CBL: variants seen among roughly 807,000 people sequenced by gnomAD.
CBL encodes E3 ubiquitin-protein ligase CBL.
Under a neutral mutation model 96.9 loss-of-function variants are expected in CBL, and 45 were observed. The ratio of observed to expected loss-of-function variants is 0.46; its 90% confidence interval spans 0.37 to 0.60. The LOEUF is 0.60. CBL is among the 20% of genes least tolerant of loss of function. CBL has a pLI of 0.00. For missense variants in CBL, 1,024 were observed against 1,143.5 expected, an observed-to-expected ratio of 0.90 and a Z score of 1.51; for synonymous variants, 420 against 426.8, an observed-to-expected ratio of 0.98 and a Z score of 0.20.
At chr11:119,245,661 G>A (rs957505883) in intron 2 of CBL, among the ~76,000 whole-genome samples, 1 of 152,046 alleles carries the variant, frequency 6.6e-6, no homozygotes, top group African/African-American at 2.4e-5. Context: ...CCTGGGAGGT[G>A]GAGGTTGCAG....
intron 2 of CBL, among the ~76,000 whole-genome samples, chr11:119,265,775 C>A (rs1949797690): frequency 6.6e-6 from 1 of 152,018 alleles, no homozygotes; most frequent in Non-Finnish European, 1.5e-5. Flanking sequence ...GTAATCCCAA[C>A]ACTTTGGGAG....
At chr11:119,255,219 G>A (rs1265651578) in intron 2 of CBL, among the ~76,000 whole-genome samples, 6 of 151,934 alleles carry the variant, frequency 3.9e-5, no homozygotes, top group Non-Finnish European at 8.8e-5. Flanking sequence ...GAGACTGTGT[G>A]GAGCTTCGGG....
chr11:119,212,236 A>G (rs1949324129), intron 1 of CBL, among the ~76,000 whole-genome samples: 1 of 152,196 alleles, frequency 6.6e-6, no homozygotes, highest in African/African-American at 2.4e-5. Context: ...TTGAAACATT[A>G]AGGTATTGGT....
chr11:119,217,814 T>C (rs1949374908), intron 1 of CBL, among the ~76,000 whole-genome samples: 1 of 152,124 alleles, frequency 6.6e-6, no homozygotes. Flanking sequence ...CTCACACCTG[T>C]AATCCCAGCA....
rs377521662 is a variant in CBL at position 119,223,083 on chromosome 11, G to T, written c.196-9365G>T. 2.0e-5 allele frequency among the ~76,000 whole-genome samples: 3 copies of T among 151,078 alleles called. No individual in the cohort carries two copies. The South Asian group carries it at 6.3e-4, about 32-fold the overall frequency. ...TAGTCCCGGCTACTTGGGAGGTCTAGTTGGGAATGTCTCTTGAGTCCAGGA... is the reference window on the plus strand; with the variant it reads ...TAGTCCCGGCTACTTGGGAGGTCTATTTGGGAATGTCTCTTGAGTCCAGGA... On this transcript the variant is annotated intron_variant, in intron 1 of 15. Coordinates refer to ENST00000264033, the MANE Select transcript of CBL (RefSeq NM_005188.4).
chr11:119,284,369 G>A (rs1294448907), intron 9 of CBL, among the ~76,000 whole-genome samples: 1 of 152,008 alleles, frequency 6.6e-6, no homozygotes, highest in Non-Finnish European at 1.5e-5. Flanking sequence ...ACAGTGGCTA[G>A]ATTATGGTTC....
At position 119,302,536 on chromosome 11, in the gene CBL, T is replaced by TA. The variant is rs886047785; in HGVS notation, c.*2762dup. On this transcript the variant is annotated 3_prime_UTR_variant, in exon 16 of 16. Coordinates refer to ENST00000264033, the MANE Select transcript of CBL (RefSeq NM_005188.4). ...TGTCCCTTCCTAGTGGCTAATAAAG[T>TA]AAAAAAACCCACACTACTTTGTTCT... is the stretch of plus-strand genomic sequence containing the variant. 9 of 232,208 alleles carry TA rather than the reference T, an allele frequency of 3.9e-5. No homozygotes were observed. The highest frequency in any genetic ancestry group is 6.0e-5 in the Non-Finnish European group (7 of 117,524). The allele number at this position is 232,208 out of a possible 1,614,324, so 14.4% of individuals were successfully genotyped here.
intron 1 of CBL, among the ~76,000 whole-genome samples, chr11:119,215,719 C>T (rs892276435): frequency 1.4e-4 from 21 of 151,412 alleles, no homozygotes; most frequent in African/African-American, 3.6e-4. Flanking sequence ...CCCAGCTACT[C>T]GGGAGGCTGA....
At chr11:119,248,816 A>G (rs576683457) in intron 2 of CBL, among the ~76,000 whole-genome samples, 1 of 152,346 alleles carries the variant, frequency 6.6e-6, no homozygotes, top group African/African-American at 2.4e-5. Flanking sequence ...AAAATGCTCA[A>G]AAGTTTTGAA....
At chr11:119,269,226 C>T (rs1949825166) in intron 2 of CBL, among the ~76,000 whole-genome samples, 1 of 146,070 alleles carries the variant, frequency 6.8e-6, no homozygotes, top group Non-Finnish European at 1.5e-5. Context: ...AGTTAATGGA[C>T]TTTAAAGATT....
chr11:119,237,323 C>G (rs1013683993), intron 2 of CBL, among the ~76,000 whole-genome samples: 5 of 152,150 alleles, frequency 3.3e-5, no homozygotes, highest in Non-Finnish European at 7.3e-5. Flanking sequence ...GATGCTAGAC[C>G]AGATACATGA....
intron 2 of CBL, among the ~76,000 whole-genome samples, chr11:119,240,785 A>C (rs963393969): frequency 5.9e-5 from 9 of 152,104 alleles, no homozygotes; most frequent in African/African-American, 1.9e-4. Context: ...AAGAGTGTAC[A>C]TAATTGGCTG....
chr11:119,243,806 G>T (rs532636627), intron 2 of CBL, among the ~76,000 whole-genome samples: 117 of 151,760 alleles, frequency 7.7e-4, no homozygotes, highest in Admixed American at 1.2e-3. Flanking sequence ...ACAGCTCATT[G>T]CAGCCTCAGC....
rs141849861 is a variant in CBL, at chr11:119,301,258, A to G, written c.*1477A>G. 1 of 233,264 alleles carries G rather than the reference A, an allele frequency of 4.3e-6. No homozygotes were observed. Among genetic ancestry groups the G allele is most frequent in the East Asian group, 6.0e-5 (1 of 16,592 alleles). The allele number at this position is 233,264 out of a possible 1,614,324, so 14.4% of individuals were successfully genotyped here. On this transcript the variant is annotated 3_prime_UTR_variant, in exon 16 of 16. Transcript: ENST00000264033. ...ATAAATTACTGTAGTCAAAGACAGT[A>G]TGGGCTGGCAGTTTGTGTAATTGCA...
At chr11:119,221,258 A>C (rs1050854206) in intron 1 of CBL, among the ~76,000 whole-genome samples, 1 of 151,276 alleles carries the variant, frequency 6.6e-6, no homozygotes, top group Non-Finnish European at 1.5e-5. Flanking sequence ...AAAAAAAAAA[A>C]GTATAGGTTT....
intron 2 of CBL, among the ~76,000 whole-genome samples, chr11:119,264,775 G>A (rs1161357657): frequency 1.3e-5 from 2 of 151,924 alleles, no homozygotes; most frequent in Non-Finnish European, 2.9e-5. Flanking sequence ...AAGGCACCAT[G>A]CCCAACCTAT....
At chr11:119,213,068 G>C (rs940805689) in intron 1 of CBL, among the ~76,000 whole-genome samples, 2 of 151,728 alleles carry the variant, frequency 1.3e-5, no homozygotes, top group African/African-American at 4.8e-5. Flanking sequence ...TCCCACCTCA[G>C]CCTTCCACAG....
In CBL at chr11:119,234,159, G is replaced by T. The variant is rs113879129; in HGVS notation, c.443+1464G>T. 2.8e-3 allele frequency among the ~76,000 whole-genome samples: 425 copies of T among 152,078 alleles called. 4 individuals are homozygous for T. The highest frequency in any genetic ancestry group is 9.9e-3 in the African/African-American group (409 of 41,498). Reference sequence around the variant, plus strand: ...GTAGCTGGGATTACAAGCATGCACCGCTGTGCCCGGCTAATTTTTGTATTT... The same window carrying T: ...GTAGCTGGGATTACAAGCATGCACCTCTGTGCCCGGCTAATTTTTGTATTT... On this transcript the variant is annotated intron_variant, in intron 2 of 15. Coordinates refer to ENST00000264033, the MANE Select transcript of CBL (RefSeq NM_005188.4).
chr11:119,240,942 G>A (rs1042056701), intron 2 of CBL, among the ~76,000 whole-genome samples: 33 of 151,910 alleles, frequency 2.2e-4, no homozygotes, highest in African/African-American at 7.3e-4. Flanking sequence ...GTGTGGTAGC[G>A]GGCACCTGTA....
Sources: allele counts gnomAD v4.1 joint callset (sites outside exome capture counted in the v4.1 genomes callset), GRCh38; gene constraint gnomAD v4.1.1; transcripts MANE v1.5; gene names NCBI Gene and HGNC (gene_info 2026-07-23, HGNC 2026-07-21).